The following CIROZ variants were observed in gnomAD, a reference collection of about 807,000 sequenced individuals.
CIROZ encodes the protein ciliated left-right organizer protein containing ZP-N domains, also known as ciliated left-right organizer ZP-N domains-containing protein.
the CIROZ span, among the ~76,000 whole-genome samples, chr1:10,951,752 A>G: frequency 7.0e-6 from 1 of 143,398 alleles, no homozygotes. Context: ...AAAAATATAT[A>G]TATATATATA....
chr1:10,959,704 A>G, the CIROZ span, among the ~76,000 whole-genome samples: 1 of 152,206 alleles, frequency 6.6e-6, no homozygotes, highest in African/African-American at 2.4e-5. The surrounding 1 kb of genome is among the most constrained non-coding windows in gnomAD (Gnocchi z 4.3). Flanking sequence ...AGGGGCAAAG[A>G]AGGGCTTCCA....
chr1:10,976,325 C>T, the CIROZ span: 2 of 956,110 alleles, frequency 2.1e-6, no homozygotes, highest in Middle Eastern at 3.2e-4. Flanking sequence ...CCTTCATTCA[C>T]TCATTATATT....
chr1:10,958,014 C>T, the CIROZ span, among the ~76,000 whole-genome samples: 6 of 152,258 alleles, frequency 3.9e-5, no homozygotes, highest in Admixed American at 3.9e-4. Flanking sequence ...AGAACGAACA[C>T]ACAGTTACCC....
the CIROZ span, among the ~76,000 whole-genome samples, chr1:10,973,805 A>T: frequency 6.6e-6 from 1 of 152,102 alleles, no homozygotes; most frequent in Non-Finnish European, 1.5e-5. Context: ...ACAGCTGCCC[A>T]AACTGCAGCT....
the CIROZ span, chr1:10,964,098 G>A: frequency 1.2e-6 from 2 of 1,607,764 alleles, no homozygotes; most frequent in South Asian, 2.2e-5. Flanking sequence ...AGGTCCCTCT[G>A]CCACCTCCCA....
chr1:10,957,860 A>G, the CIROZ span: 5 of 1,302,698 alleles, frequency 3.8e-6, no homozygotes, highest in Non-Finnish European at 5.3e-6. Flanking sequence ...CAACAGGGTC[A>G]CGGGGAGGAT....
the CIROZ span, among the ~76,000 whole-genome samples, chr1:10,974,358 C>T: frequency 3.3e-5 from 5 of 152,154 alleles, no homozygotes; most frequent in East Asian, 7.8e-4. This position sits in a 1 kb window ranked among gnomAD's most constrained non-coding sequence, Gnocchi z 4.4. Context: ...GAGTTGAGTA[C>T]CCTCTCTGCT....
the CIROZ span, among the ~76,000 whole-genome samples, chr1:10,962,220 C>T: frequency 4.0e-5 from 6 of 151,612 alleles, no homozygotes; most frequent in South Asian, 8.3e-4. Flanking sequence ...CCGAGGCAGG[C>T]GGATCACTTG....
chr1:10,961,182 C>A, the CIROZ span, among the ~76,000 whole-genome samples: 2 of 152,214 alleles, frequency 1.3e-5, no homozygotes, highest in South Asian at 2.1e-4. Context: ...GCAACACCGT[C>A]CCCCTAGCGG....
At chr1:10,947,766 T>C in the CIROZ span, 1 of 1,597,676 alleles carries the variant, frequency 6.3e-7, no homozygotes, top group South Asian at 1.1e-5. Context: ...CAGCTCCTGC[T>C]GGAGTGAGGC....
chr1:10,963,223 T>C, the CIROZ span, among the ~76,000 whole-genome samples: 1 of 151,972 alleles, frequency 6.6e-6, no homozygotes, highest in Admixed American at 6.6e-5. Flanking sequence ...ACTCCATCTC[T>C]ACTAAAAATA....
chr1:10,952,582 T>G, the CIROZ span, among the ~76,000 whole-genome samples: 1 of 152,232 alleles, frequency 6.6e-6, no homozygotes, highest in Non-Finnish European at 1.5e-5. Context: ...CAGGCTGGAA[T>G]GCAGTGGCAC....
At chr1:10,976,883 C>T in the CIROZ span, among the ~76,000 whole-genome samples, 5 of 152,080 alleles carry the variant, frequency 3.3e-5, no homozygotes, top group South Asian at 2.1e-4. Context: ...AGGCCGGGTG[C>T]GAGGGCTCAC....
At chr1:10,950,622 C>T in the CIROZ span, among the ~76,000 whole-genome samples, 1 of 152,190 alleles carries the variant, frequency 6.6e-6, no homozygotes, top group African/African-American at 2.4e-5. Flanking sequence ...AGCAGGCCCC[C>T]TGGCCTCCGC....
chr1:10,957,181 C>A, the CIROZ span: 2 of 1,218,162 alleles, frequency 1.6e-6, no homozygotes, highest in Non-Finnish European at 2.3e-6. Flanking sequence ...TCCACAGGGG[C>A]CCCCTCTCCT....
At chr1:10,968,610 A>G in the CIROZ span, among the ~76,000 whole-genome samples, 2 of 152,138 alleles carry the variant, frequency 1.3e-5, no homozygotes, top group South Asian at 4.1e-4. Flanking sequence ...TGCACTTTGT[A>G]AATATTTGCC....
chr1:10,957,597 C>T, the CIROZ span: 1 of 1,612,830 alleles, frequency 6.2e-7, no homozygotes, highest in Admixed American at 1.7e-5. Flanking sequence ...CCTGGCAGAG[C>T]CTGCTGCCCA....
the CIROZ span, among the ~76,000 whole-genome samples, chr1:10,958,979 C>T: frequency 3.4e-4 from 52 of 152,126 alleles, no homozygotes; most frequent in South Asian, 6.2e-4. Context: ...ATCCTAGGCC[C>T]GGCCAAGGGG....
the CIROZ span, among the ~76,000 whole-genome samples, chr1:10,980,212 C>G: frequency 2.0e-5 from 3 of 152,262 alleles, no homozygotes; most frequent in Non-Finnish European, 4.4e-5. Flanking sequence ...TGCCAGGGCC[C>G]ACAGTCTCCC....
Sources: gnomAD v4.1 joint callset for allele counts (sites outside exome capture counted in the v4.1 genomes callset) on GRCh38, gnomAD v4.1.1 for gene constraint, Gnocchi (gnomAD v3.1) non-coding constraint, MANE v1.5 for transcripts, NCBI Gene and HGNC (gene_info 2026-07-23, HGNC 2026-07-21) for gene names.